The following ADGRA3 variants were observed in gnomAD, a reference collection of about 807,000 sequenced individuals.
ADGRA3 encodes the protein adhesion G protein-coupled receptor A3.
A neutral mutation model predicts 119.8 loss-of-function variants in ADGRA3; 56 were observed. The observed-to-expected ratio is 0.47, with a 90% CI of 0.38 to 0.58. The LOEUF (loss-of-function observed/expected upper bound fraction) is 0.58, where lower values mean the gene tolerates loss of function less well. Ranked by LOEUF, ADGRA3 falls within the 20% of genes least tolerant of loss-of-function variation. The pLI is 0.00. For synonymous variants in ADGRA3, 607 were observed against 623.8 expected (o/e 0.97, Z 0.40); for missense variants, 1,516 against 1,649.0 (o/e 0.92, Z 1.40).
At position 22,447,486 on chromosome 4, in the gene ADGRA3, A is replaced by G; in HGVS notation, c.499T>C (p.Ser167Pro). 6.3e-7 allele frequency: 1 copy of G among 1,579,934 alleles called. No homozygotes were observed. Among genetic ancestry groups the G allele is most frequent in the South Asian group, 1.2e-5 (1 of 82,570 alleles). ...RLNLSGNLFSSLSQGTFDYLA... is the reference protein window; with the variant it reads ...RLNLSGNLFSPLSQGTFDYLA... Reference sequence around the variant, plus strand: ...TAATCAAAAGTTCCTTGAGATAATGAAGAAAACAAATTCCCCGAAAGGTTT... The same window carrying G: ...TAATCAAAAGTTCCTTGAGATAATGGAGAAAACAAATTCCCCGAAAGGTTT... The change falls in exon 5 of 19, where the codon TCA (serine) becomes CCA (proline). Residue 167 changes from serine to proline, a missense_variant. Physicochemically the swap from Ser to Pro is moderately conservative, Grantham distance 74. Around this residue, in one of 2 missense-constraint regions of ADGRA3, gnomAD observed 428 missense variants for 541.9 expected, o/e 0.79. Transcript: ENST00000334304.
At chr4:22,413,950 G>C (rs1343492371) in intron 12 of ADGRA3, 136 bp from the exon 13 acceptor site, 1 of 572,310 alleles carries the variant, frequency 1.7e-6, no homozygotes, top group South Asian at 2.8e-5. Flanking sequence ...AAATTTAACA[G>C]TTAAAAAAAT....
chr4:22,473,972 C>T (rs543623242), intron 1 of ADGRA3, 129 bp from the exon 2 acceptor site: 55 of 525,698 alleles, frequency 1.0e-4, no homozygotes, highest in African/African-American at 8.7e-4. Context: ...TTTGAGATGG[C>T]TGAAAAAAAG....
intron 8 of ADGRA3, among the ~76,000 whole-genome samples, chr4:22,437,922 G>A (rs750104253): frequency 3.9e-5 from 6 of 152,154 alleles, no homozygotes; most frequent in Non-Finnish European, 8.8e-5. Context: ...AAAAAAAACA[G>A]AAAATACCTT....
At chr4:22,485,918 T>C (rs1451660298) in intron 1 of ADGRA3, among the ~76,000 whole-genome samples, 1 of 152,218 alleles carries the variant, frequency 6.6e-6, no homozygotes, top group Non-Finnish European at 1.5e-5. Context: ...TGTTTCAGGT[T>C]ATTAATTCCT....
chr4:22,498,213 C>A lies in ADGRA3; in HGVS notation c.257+17315G>T, dbSNP rs185535146. Among the ~76,000 whole-genome samples, 6 of 151,592 alleles carry A rather than the reference C, an allele frequency of 4.0e-5. No homozygotes were observed. In the East Asian group the frequency reaches 7.8e-4, roughly 20 times the overall value. ...AGTGAGCCGAGATCATGCCATTGCA[C>A]TACAGCCTGGGCAACAAAAGCGAAA... On this transcript the variant is annotated intron_variant, in intron 1 of 18. Coordinates refer to ENST00000334304, the MANE Select transcript of ADGRA3 (RefSeq NM_145290.4).
intron 1 of ADGRA3, among the ~76,000 whole-genome samples, chr4:22,493,204 G>A (rs893553843): frequency 7.2e-5 from 11 of 152,168 alleles, no homozygotes; most frequent in Non-Finnish European, 1.5e-4. Context: ...GGCCTCATGA[G>A]ATCCTTCTGA....
intron 1 of ADGRA3, among the ~76,000 whole-genome samples, chr4:22,486,249 G>GT (rs1718429869): frequency 6.6e-6 from 1 of 152,112 alleles, no homozygotes; most frequent in African/African-American, 2.4e-5. Flanking sequence ...AGGAGAAAAA[G>GT]TAAACAGACG....
At chr4:22,432,928 TTCTC>T (rs1375015956) in intron 10 of ADGRA3, among the ~76,000 whole-genome samples, 1 of 152,182 alleles carries the variant, frequency 6.6e-6, no homozygotes, top group Admixed American at 6.5e-5. Context: ...AATTAATTAT[TTCTC>T]TATCTAAGCT....
chr4:22,470,167 C>T (rs1314448197), intron 2 of ADGRA3, among the ~76,000 whole-genome samples: 1 of 152,096 alleles, frequency 6.6e-6, no homozygotes, highest in Admixed American at 6.5e-5. Context: ...TGATACAATA[C>T]ATATGCATCA....
At chr4:22,496,725 A>T (rs1321045448) in intron 1 of ADGRA3, among the ~76,000 whole-genome samples, 2 of 152,224 alleles carry the variant, frequency 1.3e-5, no homozygotes, top group Non-Finnish European at 2.9e-5. Context: ...TGGAAACTCT[A>T]CTTCAAACGG....
At chr4:22,403,454 A>G (rs1445768456) in intron 14 of ADGRA3, among the ~76,000 whole-genome samples, 2 of 151,988 alleles carry the variant, frequency 1.3e-5, no homozygotes, top group Non-Finnish European at 2.9e-5. Context: ...AAATCAGTAA[A>G]TGGCTGAGCA....
chr4:22,418,149 T>C (rs1319084514), intron 12 of ADGRA3, among the ~76,000 whole-genome samples: 2 of 152,030 alleles, frequency 1.3e-5, no homozygotes, highest in East Asian at 1.9e-4. Context: ...TGAGAAAAAA[T>C]TGGAAGAGAT....
intron 1 of ADGRA3, among the ~76,000 whole-genome samples, chr4:22,495,794 AG>A (rs1296330923): frequency 2.0e-5 from 3 of 152,140 alleles, no homozygotes; most frequent in Non-Finnish European, 4.4e-5. Context: ...CTGTAGTCCC[AG>A]CTACTCAGGA....
intron 2 of ADGRA3, among the ~76,000 whole-genome samples, chr4:22,463,893 T>C (rs562282347): frequency 1.3e-5 from 2 of 152,332 alleles, no homozygotes; most frequent in African/African-American, 4.8e-5. Flanking sequence ...CACCTGGTGA[T>C]AGAGACTGGA....
At chr4:22,412,120 A>G (rs575021285) in intron 14 of ADGRA3, among the ~76,000 whole-genome samples, 1 of 152,312 alleles carries the variant, frequency 6.6e-6, no homozygotes, top group South Asian at 2.1e-4. Context: ...AACATTTTCT[A>G]GAAAACAGAT....
intron 1 of ADGRA3, among the ~76,000 whole-genome samples, chr4:22,475,464 G>A (rs541252367): frequency 2.0e-5 from 3 of 152,210 alleles, no homozygotes; most frequent in Admixed American, 1.3e-4. Flanking sequence ...CGGGGGCGGC[G>A]GCTCACGGTT....
At chr4:22,468,235 C>T (rs1015298792) in intron 2 of ADGRA3, among the ~76,000 whole-genome samples, 1 of 152,164 alleles carries the variant, frequency 6.6e-6, no homozygotes, top group Non-Finnish European at 1.5e-5. Flanking sequence ...TCTCCAAACC[C>T]CACAGCAGGC....
At chr4:22,399,928 A>G (rs1290266150) in intron 16 of ADGRA3, among the ~76,000 whole-genome samples, 2 of 152,180 alleles carry the variant, frequency 1.3e-5, no homozygotes, top group Admixed American at 1.3e-4. Flanking sequence ...TTGACCTATT[A>G]TATCTTTCCA....
intron 2 of ADGRA3, among the ~76,000 whole-genome samples, chr4:22,470,339 A>T (rs2109115853): frequency 6.7e-6 from 1 of 149,120 alleles, no homozygotes; most frequent in Non-Finnish European, 1.5e-5. Flanking sequence ...AAAAAAAATC[A>T]ACCTAAATAT....
Sources: allele counts gnomAD v4.1 joint callset (sites outside exome capture counted in the v4.1 genomes callset), GRCh38; gene constraint gnomAD v4.1.1; regional missense constraint gnomAD v4.1.1; transcripts MANE v1.5; gene names NCBI Gene and HGNC (gene_info 2026-07-23, HGNC 2026-07-21).